COL5A1: variants seen among roughly 807,000 people sequenced by gnomAD.
COL5A1 encodes the protein collagen alpha-1(V) chain.
COL5A1 carries 16 observed loss-of-function variants against 263.7 expected under a neutral mutation model. The observed-to-expected ratio is 0.06, with a 90% CI of 0.04 to 0.09. COL5A1 has a LOEUF of 0.09. Among genes scored for constraint, COL5A1 ranks in the 10% least tolerant of loss-of-function variants. The pLI is 1.00. For synonymous variants in COL5A1, 1,012 were observed against 1,004.5 expected, an observed-to-expected ratio of 1.01 and a Z score of -0.14; for missense variants, 2,036 against 2,540.5, an observed-to-expected ratio of 0.80 and a Z score of 4.27.
intron 1 of COL5A1, among the ~76,000 whole-genome samples, chr9:134,689,410 T>C (rs1306102842): frequency 6.6e-6 from 1 of 152,166 alleles, no homozygotes; most frequent in Admixed American, 6.5e-5. Flanking sequence ...CACCCAGAGA[T>C]GGGCACTGTT....
chr9:134,823,181 G>A (rs1721492032), intron 60 of COL5A1, 148 bp downstream of exon 60: 1 of 1,100,068 alleles, frequency 9.1e-7, no homozygotes, highest in Non-Finnish European at 1.4e-6. Context: ...CTGACCCATG[G>A]CGGACTGAGG....
chr9:134,837,008 A>C (rs935312994), intron 65 of COL5A1, among the ~76,000 whole-genome samples: 1 of 152,194 alleles, frequency 6.6e-6, no homozygotes, highest in Non-Finnish European at 1.5e-5. Context: ...TCCTCCCCAA[A>C]TGAGTATAAC....
intron 63 of COL5A1, among the ~76,000 whole-genome samples, chr9:134,826,385 T>C (rs1261501396): frequency 6.6e-6 from 1 of 152,238 alleles, no homozygotes; most frequent in Non-Finnish European, 1.5e-5. Context: ...GAAGTCTGTT[T>C]AGTGAAGAAT....
intron 13 of COL5A1, among the ~76,000 whole-genome samples, 154 bp from the exon 14 acceptor site, chr9:134,752,435 T>A (rs1357325355): frequency 1.3e-5 from 2 of 150,918 alleles, no homozygotes; most frequent in East Asian, 2.0e-4. Flanking sequence ...GGGGGGGCCC[T>A]TGGGGAGTCA....
intron 6 of COL5A1, among the ~76,000 whole-genome samples, 157 bp from the exon 7 acceptor site, chr9:134,730,079 C>T (rs968183076): frequency 3.3e-5 from 5 of 152,146 alleles, no homozygotes; most frequent in South Asian, 2.1e-4. Context: ...TGGATGGGGG[C>T]GGCCCCTGCA....
At chr9:134,803,934 C>T (rs1298741227) in intron 39 of COL5A1, among the ~76,000 whole-genome samples, 2 of 152,136 alleles carry the variant, frequency 1.3e-5, no homozygotes, top group African/African-American at 4.8e-5. Flanking sequence ...CTCTTGGTGC[C>T]AGCTCCAACT....
intron 37 of COL5A1, among the ~76,000 whole-genome samples, chr9:134,799,297 G>T (rs1838027061): frequency 6.6e-6 from 1 of 152,230 alleles, no homozygotes; most frequent in Admixed American, 6.5e-5. Context: ...TGTGTTTCAG[G>T]AAAGGGTGCA....
In COL5A1 at chr9:134,842,304, G is replaced by C; in HGVS notation, c.*1G>C. 3 of 1,614,074 alleles carry C rather than the reference G, an allele frequency of 1.9e-6. No homozygotes were observed. The highest frequency in any genetic ancestry group is 2.2e-5 in the South Asian group (2 of 91,078). On this transcript the variant is annotated 3_prime_UTR_variant, in exon 66 of 66. Transcript: ENST00000371817. This position sits in a 1 kb window ranked among gnomAD's most constrained non-coding sequence, Gnocchi z 5.8. ...GGGGCCGGCTTGCTTCATGGGCTAG[G>C]AGCCGCCGAGCCCGGGCTCCCGAGA...
At chr9:134,776,155 C>T (rs35479829) in intron 27 of COL5A1, among the ~76,000 whole-genome samples, 5,855 of 152,242 alleles carry the variant, frequency 0.038, 158 homozygotes, top group Non-Finnish European at 0.057. Flanking sequence ...GACCTCCCAA[C>T]GGTTGGGAGC....
chr9:134,843,796 C>A lies in COL5A1; in HGVS notation c.*1493C>A, dbSNP rs1830169768. On this transcript the variant is annotated 3_prime_UTR_variant, in exon 66 of 66. Coordinates refer to ENST00000371817, the MANE Select transcript of COL5A1 (RefSeq NM_000093.5). Reference sequence around the variant, plus strand: ...GGTAGATGGAGTAATGTACAATGAACTCCATGAGTCTCTCCAGGGCTGCCT... The same window carrying A: ...GGTAGATGGAGTAATGTACAATGAAATCCATGAGTCTCTCCAGGGCTGCCT... 6.5e-6 allele frequency: 1 copy of A among 152,698 alleles called. No individual in the cohort carries two copies. Among genetic ancestry groups the A allele is most frequent in the Admixed American group, 6.5e-5 (1 of 15,282 alleles). The allele number at this position is 152,698 out of a possible 1,614,324, so 9.5% of individuals were successfully genotyped here.
chr9:134,759,382 CAT>C (rs1438675104), intron 18 of COL5A1, among the ~76,000 whole-genome samples: 2 of 146,156 alleles, frequency 1.4e-5, no homozygotes, highest in African/African-American at 5.1e-5. Flanking sequence ...ACACACCACA[CAT>C]GCACACATAC....
At chr9:134,810,639 G>A (rs1469209709) in intron 44 of COL5A1, among the ~76,000 whole-genome samples, 5 of 152,250 alleles carry the variant, frequency 3.3e-5, no homozygotes, top group Non-Finnish European at 7.3e-5. Context: ...TGCTCCGGCA[G>A]AGACAGCACC....
intron 4 of COL5A1, among the ~76,000 whole-genome samples, chr9:134,721,335 C>G (rs934569984): frequency 6.6e-6 from 1 of 151,888 alleles, no homozygotes; most frequent in Non-Finnish European, 1.5e-5. Context: ...CTGTAACCTC[C>G]CCATAGTACC....
At chr9:134,797,642 C>T (rs11103532) in intron 36 of COL5A1, among the ~76,000 whole-genome samples, 7,234 of 152,222 alleles carry the variant, frequency 0.048, 369 homozygotes, top group East Asian at 0.17. Flanking sequence ...GCCACCACAC[C>T]CAGCTAATTT....
In COL5A1 at chr9:134,747,742, A is replaced by G. The variant is rs1352866560; in HGVS notation, c.1495-2800A>G. Among the ~76,000 whole-genome samples, 21 of 121,970 alleles carry G rather than the reference A, an allele frequency of 1.7e-4. No homozygotes were observed. The East Asian group carries it at 2.6e-3, about 15-fold the overall frequency. The allele number at this position is 121,970 out of a possible 152,430, so 80.0% of individuals were successfully genotyped here. Reference sequence around the variant, plus strand: ...ACATGCAGACACATGCACACATGCAAACACATGCACACATGCATTCATACA... The same window carrying G: ...ACATGCAGACACATGCACACATGCAGACACATGCACACATGCATTCATACA... On this transcript the variant is annotated intron_variant, in intron 11 of 65. Transcript: ENST00000371817.
rs1437668038 is a variant in COL5A1 at position 134,795,116 on chromosome 9, G to A, written c.2735G>A (p.Arg912Gln). 27 of 1,614,078 alleles carry A rather than the reference G, an allele frequency of 1.7e-5. No individual in the cohort carries two copies. The highest frequency in any genetic ancestry group is 2.2e-5 in the Non-Finnish European group (26 of 1,180,024). Residue 912 changes from arginine (R) to glutamine (Q), a missense_variant, in exon 33 of 66, where the codon CGA (arginine) becomes CAA (glutamine). Physicochemically the swap from Arg to Gln is conservative, Grantham distance 43. Coordinates refer to ENST00000371817, the MANE Select transcript of COL5A1 (RefSeq NM_000093.5). The part of the protein sequence containing the change: ...TPGKPGPRGQ[R>Q]GPTGPRGERG... ...GGAAAGCCAGGACCGCGGGGGCAGC[G>A]AGGCCCAACGGTAACCACCCTTTCA...
intron 1 of COL5A1, among the ~76,000 whole-genome samples, chr9:134,653,860 A>G (rs1831781109): frequency 2.0e-5 from 3 of 147,012 alleles, no homozygotes; most frequent in Admixed American, 2.0e-4. Context: ...GGGAGTCTGT[A>G]GGGCCAGGCA....
intron 28 of COL5A1, among the ~76,000 whole-genome samples, chr9:134,782,023 C>A (rs1837273805): frequency 6.6e-6 from 1 of 152,246 alleles, no homozygotes; most frequent in Non-Finnish European, 1.5e-5. Context: ...GCTGAAGGAT[C>A]TGAGGGCTTT....
chr9:134,752,813 G>A (rs1035647036), intron 14 of COL5A1, among the ~76,000 whole-genome samples, 168 bp downstream of exon 14: 2 of 152,080 alleles, frequency 1.3e-5, no homozygotes, highest in African/African-American at 2.4e-5. Flanking sequence ...GGCCTCTCTC[G>A]GTGCTGCTCC....
Sources: gnomAD v4.1 joint callset for allele counts (sites outside exome capture counted in the v4.1 genomes callset) on GRCh38, gnomAD v4.1.1 for gene constraint, Gnocchi (gnomAD v3.1) non-coding constraint, MANE v1.5 for transcripts, NCBI Gene and HGNC (gene_info 2026-07-23, HGNC 2026-07-21) for gene names.